The following PSD3 variants were observed in gnomAD, a reference collection of about 807,000 sequenced individuals.
PSD3 encodes PH and SEC7 domain-containing protein 3.
Under a neutral mutation model 105.5 loss-of-function variants are expected in PSD3, and 49 were observed. The ratio of observed to expected loss-of-function variants is 0.46; its 90% CI spans 0.37 to 0.59. The LOEUF (loss-of-function observed/expected upper bound fraction) is 0.59. Ranked by LOEUF, PSD3 falls within the 20% of genes least tolerant of loss-of-function variation. The pLI is 0.00. For missense variants in PSD3, 1,561 were observed against 1,263.8 expected, an observed-to-expected ratio of 1.24 and a Z score of -3.57; for synonymous variants, 557 against 457.8, an observed-to-expected ratio of 1.22 and a Z score of -2.77.
At chr8:18,785,513 T>C (rs1585981425) in intron 8 of PSD3, among the ~76,000 whole-genome samples, 1 of 152,082 alleles carries the variant, frequency 6.6e-6, no homozygotes, top group Non-Finnish European at 1.5e-5. Flanking sequence ...CTGTGGCTGG[T>C]TGGATACCCT....
At chr8:18,957,483 C>A (rs1429049661) in intron 1 of PSD3, among the ~76,000 whole-genome samples, 1 of 152,168 alleles carries the variant, frequency 6.6e-6, no homozygotes, top group Non-Finnish European at 1.5e-5. Context: ...TAGACAGAAT[C>A]CACGGGCCCA....
chr8:19,041,017 CAA>C (rs1346217222), intron 1 of PSD3, among the ~76,000 whole-genome samples: 1 of 152,154 alleles, frequency 6.6e-6, no homozygotes, highest in Non-Finnish European at 1.5e-5. Context: ...CTCAGCCTCT[CAA>C]AGAGCTGGGA....
chr8:18,821,871 AC>A (rs201409119), intron 4 of PSD3, among the ~76,000 whole-genome samples: 5,293 of 53,674 alleles, frequency 0.099, 119 homozygotes, highest in East Asian at 0.16. Flanking sequence ...ATGCACACAC[AC>A]CACACACACA....
intron 1 of PSD3, among the ~76,000 whole-genome samples, chr8:18,968,372 A>G (rs1824416830): frequency 1.3e-5 from 2 of 152,332 alleles, no homozygotes; most frequent in East Asian, 3.9e-4. Context: ...GTATATCTAA[A>G]TCAATTGTCC....
intron 1 of PSD3, among the ~76,000 whole-genome samples, chr8:19,040,700 C>T (rs1828093160): frequency 6.6e-6 from 1 of 152,172 alleles, no homozygotes; most frequent in Non-Finnish European, 1.5e-5. Context: ...TGAGAGATCA[C>T]AGTGGCTTGG....
intron 9 of PSD3, among the ~76,000 whole-genome samples, chr8:18,764,550 A>G (rs529770410): frequency 3.0e-4 from 45 of 152,304 alleles, no homozygotes; most frequent in African/African-American, 1.0e-3. Flanking sequence ...ACCATAGTAG[A>G]TAAGTCTTTC....
intron 9 of PSD3, among the ~76,000 whole-genome samples, chr8:18,755,487 A>ATAACATAACATAACATAACATAAG (rs1396646575): frequency 2.8e-4 from 23 of 80,784 alleles, no homozygotes; most frequent in Admixed American, 7.1e-4. Flanking sequence ...CATAACATAA[A>ATAACATAACATAACATAACATAAG]AATGCTCCAA....
intron 11 of PSD3, among the ~76,000 whole-genome samples, chr8:18,618,593 C>T (rs1805872354): frequency 1.4e-5 from 2 of 140,910 alleles, no homozygotes; most frequent in South Asian, 4.9e-4. Context: ...AAAATAACAA[C>T]TGGATTCCTT....
intron 9 of PSD3, among the ~76,000 whole-genome samples, chr8:18,753,327 C>G (rs189667971): frequency 1.3e-5 from 2 of 151,166 alleles, no homozygotes; most frequent in East Asian, 3.9e-4. Flanking sequence ...GTACTCCAGC[C>G]TAGGGGACAG....
At chr8:18,560,208 ACAAAC>A (rs1801314928) in intron 14 of PSD3, among the ~76,000 whole-genome samples, 2 of 151,248 alleles carry the variant, frequency 1.3e-5, no homozygotes, top group South Asian at 4.2e-4. Flanking sequence ...ACACACACAC[ACAAAC>A]AAAAAAACAA....
intron 9 of PSD3, among the ~76,000 whole-genome samples, chr8:18,716,920 AAGAGGAGT>A (rs1214612314): frequency 3.9e-5 from 6 of 152,216 alleles, no homozygotes; most frequent in Non-Finnish European, 8.8e-5. Context: ...CTCTAAGACC[AAGAGGAGT>A]AGCCAAAGGT....
At chr8:18,793,068 C>T (rs759914886) in intron 8 of PSD3, among the ~76,000 whole-genome samples, 19 of 152,064 alleles carry the variant, frequency 1.2e-4, no homozygotes, top group Admixed American at 3.9e-4. Flanking sequence ...AGCAAACTAC[C>T]GCAAGGACAG....
chr8:18,558,719 G>A (rs911517717), intron 14 of PSD3, among the ~76,000 whole-genome samples: 3 of 152,134 alleles, frequency 2.0e-5, no homozygotes, highest in Non-Finnish European at 4.4e-5. Flanking sequence ...GACTCAGGAG[G>A]CTGAGGCAGG....
chr8:18,773,133 G>A (rs1448130965), intron 8 of PSD3, among the ~76,000 whole-genome samples: 1 of 152,028 alleles, frequency 6.6e-6, no homozygotes, highest in East Asian at 1.9e-4. Flanking sequence ...TTTTTTCTCA[G>A]GATTTTATAG....
At chr8:18,685,028 C>A (rs1037040454) in intron 9 of PSD3, among the ~76,000 whole-genome samples, 6 of 152,316 alleles carry the variant, frequency 3.9e-5, no homozygotes, top group Admixed American at 1.3e-4. Context: ...TAAGCGTGTT[C>A]TCCAGATAAA....
At chr8:18,928,974 A>G (rs1391222192) in intron 2 of PSD3, among the ~76,000 whole-genome samples, 1 of 152,024 alleles carries the variant, frequency 6.6e-6, no homozygotes, top group Non-Finnish European at 1.5e-5. Context: ...GGAGCCACCA[A>G]CAAGTCTTTT....
rs912534131 is a variant in PSD3 at position 18,532,196 on chromosome 8, T to C, written c.*3547A>G. The C allele has an allele frequency of 3.3e-5, 5 of 152,140 alleles. No individual in the cohort carries two copies. The highest frequency in any genetic ancestry group is 1.2e-4 in the African/African-American group (5 of 41,438). 9.4% of individuals were successfully genotyped at this position (152,140 alleles called of 1,614,324 possible). The stretch of plus-strand genomic sequence containing the variant: ...GATCTTTACATGATAGAGGGAGCAA[T>C]AGGCAAAGGACAGTAGAAAAGCTCA... On this transcript the variant is annotated 3_prime_UTR_variant, in exon 16 of 16. Coordinates refer to ENST00000327040, the MANE Select transcript of PSD3 (RefSeq NM_015310.4).
intron 9 of PSD3, among the ~76,000 whole-genome samples, chr8:18,693,950 A>T (rs920486836): frequency 2.0e-4 from 30 of 152,204 alleles, no homozygotes; most frequent in African/African-American, 7.0e-4. Flanking sequence ...TTAGCATGGC[A>T]TCTGATAGGT....
intron 1 of PSD3, among the ~76,000 whole-genome samples, chr8:19,063,703 G>A (rs1285073846): frequency 6.6e-6 from 1 of 152,242 alleles, no homozygotes; most frequent in Non-Finnish European, 1.5e-5. Flanking sequence ...AAGTGTGGTA[G>A]TGCGTCAGAA....
Sources: allele counts gnomAD v4.1 joint callset (sites outside exome capture counted in the v4.1 genomes callset), GRCh38; gene constraint gnomAD v4.1.1; transcripts MANE v1.5; gene names NCBI Gene and HGNC (gene_info 2026-07-23, HGNC 2026-07-21).